MCTP1: variants seen among roughly 807,000 people sequenced by gnomAD.
MCTP1 encodes multiple C2 and transmembrane domain-containing protein 1.
Under a neutral mutation model 120.6 loss-of-function variants are expected in MCTP1, and 69 were observed. The observed-to-expected ratio is 0.57, with a 90% confidence interval of 0.47 to 0.70. MCTP1 has a LOEUF of 0.70. MCTP1 is among the 30% of genes least tolerant of loss of function. The pLI is 0.00. For synonymous variants in MCTP1, 529 were observed against 493.1 expected (o/e 1.07, Z -0.96); for missense variants, 1,203 against 1,248.8 (o/e 0.96, Z 0.55).
At chr5:95,205,372 A>C (rs1751512208) in intron 1 of MCTP1, among the ~76,000 whole-genome samples, 1 of 152,186 alleles carries the variant, frequency 6.6e-6, no homozygotes, top group Non-Finnish European at 1.5e-5. Context: ...ACTAAAGGTA[A>C]AAGCTAAAGC....
chr5:95,117,198 C>A (rs529128447), intron 1 of MCTP1, among the ~76,000 whole-genome samples: 3 of 151,820 alleles, frequency 2.0e-5, no homozygotes, highest in African/African-American at 7.2e-5. Context: ...AGACCATCCT[C>A]GCTAACACGG....
At chr5:94,781,217 C>A (rs1282436492) in intron 18 of MCTP1, among the ~76,000 whole-genome samples, 1 of 151,482 alleles carries the variant, frequency 6.6e-6, no homozygotes, top group African/African-American at 2.4e-5. Flanking sequence ...ACTTTTACTC[C>A]TGTGAATAAA....
At chr5:94,878,281 G>T (rs1799334956) in intron 12 of MCTP1, among the ~76,000 whole-genome samples, 1 of 152,068 alleles carries the variant, frequency 6.6e-6, no homozygotes, top group Non-Finnish European at 1.5e-5. Flanking sequence ...CACTGGAGAT[G>T]GGGCTTTGGC....
chr5:95,194,054 AT>A (rs1489349954), intron 1 of MCTP1, among the ~76,000 whole-genome samples: 3 of 152,078 alleles, frequency 2.0e-5, no homozygotes, highest in African/African-American at 7.2e-5. Context: ...CTACAAAAAA[AT>A]AACATAAAAA....
chr5:94,920,356 T>A (rs1163102189), intron 7 of MCTP1, among the ~76,000 whole-genome samples: 2 of 150,490 alleles, frequency 1.3e-5, no homozygotes, highest in African/African-American at 4.9e-5. Flanking sequence ...AAAATGGAGA[T>A]AATTCCTGAA....
At chr5:94,948,386 A>T (rs566767568) in intron 3 of MCTP1, among the ~76,000 whole-genome samples, 1 of 152,312 alleles carries the variant, frequency 6.6e-6, no homozygotes, top group East Asian at 1.9e-4. Flanking sequence ...AGACTCAATA[A>T]CTTCCCATAT....
intron 1 of MCTP1, among the ~76,000 whole-genome samples, chr5:95,034,479 C>T (rs1840884615): frequency 6.6e-6 from 1 of 151,874 alleles, no homozygotes; most frequent in Non-Finnish European, 1.5e-5. Context: ...GGGGAAAGAA[C>T]ACTCTATTTG....
intron 19 of MCTP1, among the ~76,000 whole-genome samples, chr5:94,759,903 GAAAAAAA>G (rs10719332): frequency 2.5e-5 from 2 of 78,904 alleles, no homozygotes; most frequent in Non-Finnish European, 4.4e-5. Flanking sequence ...TTTTCAAAGA[GAAAAAAA>G]AAAAAAAAAA....
chr5:95,250,799 A>G (rs1295484238), intron 1 of MCTP1, among the ~76,000 whole-genome samples: 1 of 152,168 alleles, frequency 6.6e-6, no homozygotes, highest in African/African-American at 2.4e-5. Context: ...TTATTATTAT[A>G]TTTTTAAAGT....
At chr5:94,825,768 T>TAC (rs1250627872) in intron 17 of MCTP1, among the ~76,000 whole-genome samples, 21 of 151,810 alleles carry the variant, frequency 1.4e-4, no homozygotes, top group African/African-American at 4.6e-4. Flanking sequence ...CATATACATA[T>TAC]ATACACACAC....
At chr5:95,270,870 C>T (rs1052890420) in intron 1 of MCTP1, among the ~76,000 whole-genome samples, 1 of 151,102 alleles carries the variant, frequency 6.6e-6, no homozygotes, top group African/African-American at 2.4e-5. Flanking sequence ...GTGGAGGTTG[C>T]AGTGAGCCGA....
At chr5:94,950,504 A>C (rs1308306247) in intron 3 of MCTP1, among the ~76,000 whole-genome samples, 2 of 152,106 alleles carry the variant, frequency 1.3e-5, no homozygotes, top group Non-Finnish European at 2.9e-5. Flanking sequence ...GTTTATGTAC[A>C]TTTATAGTAT....
intron 17 of MCTP1, among the ~76,000 whole-genome samples, chr5:94,863,761 C>CATT (rs1165173791): frequency 6.6e-6 from 1 of 151,696 alleles, no homozygotes; most frequent in African/African-American, 2.4e-5. Context: ...TGTCTTTGGT[C>CATT]ATTATTACAT....
chr5:95,255,784 C>T (rs1013535073), intron 1 of MCTP1, among the ~76,000 whole-genome samples: 1 of 152,142 alleles, frequency 6.6e-6, no homozygotes, highest in African/African-American at 2.4e-5. Flanking sequence ...AGCTAATCCC[C>T]AATCAAGCAT....
At chr5:95,143,745 T>C (rs1325664063) in intron 1 of MCTP1, among the ~76,000 whole-genome samples, 1 of 152,240 alleles carries the variant, frequency 6.6e-6, no homozygotes, top group Non-Finnish European at 1.5e-5. Flanking sequence ...CTTGTTCTTT[T>C]TATGGCTGCA....
chr5:94,718,196 G>T (rs1318157534), intron 19 of MCTP1, among the ~76,000 whole-genome samples: 1 of 152,136 alleles, frequency 6.6e-6, no homozygotes, highest in African/African-American at 2.4e-5. Flanking sequence ...AGAGATCTCA[G>T]AAATAAGACC....
intron 1 of MCTP1, among the ~76,000 whole-genome samples, chr5:95,143,049 A>G (rs1211096296): frequency 1.3e-5 from 2 of 152,162 alleles, no homozygotes; most frequent in Non-Finnish European, 2.9e-5. Flanking sequence ...AAAAGCAACA[A>G]GAATATGGGT....
chr5:94,716,111 C>A (rs1425054407), intron 19 of MCTP1, among the ~76,000 whole-genome samples: 1 of 152,186 alleles, frequency 6.6e-6, no homozygotes, highest in Non-Finnish European at 1.5e-5. Context: ...CAACAGGGTA[C>A]ACTGGGACCA....
intron 1 of MCTP1, among the ~76,000 whole-genome samples, chr5:95,266,549 T>C (rs1346002558): frequency 6.6e-6 from 1 of 152,200 alleles, no homozygotes; most frequent in East Asian, 1.9e-4. Context: ...AAATACTACA[T>C]GAAGAACAAC....
Sources: gnomAD v4.1 joint callset for allele counts (sites outside exome capture counted in the v4.1 genomes callset) on GRCh38, gnomAD v4.1.1 for gene constraint, MANE v1.5 for transcripts, NCBI Gene and HGNC (gene_info 2026-07-23, HGNC 2026-07-21) for gene names.